Variants in ZNRF2 observed in about 807,000 individuals in gnomAD.
ZNRF2 encodes E3 ubiquitin-protein ligase ZNRF2.
Under a neutral mutation model 20.4 loss-of-function variants are expected in ZNRF2, and 16 were observed. The ratio of observed to expected loss-of-function variants is 0.79; its 90% confidence interval spans 0.53 to 1.19. The LOEUF (loss-of-function observed/expected upper bound fraction) is 1.19, where lower values mean the gene tolerates loss of function less well. ZNRF2 is among the 50% of genes most tolerant of loss of function. The probability of loss-of-function intolerance (pLI) is 0.00; values close to 1 mark genes in which losing one functional copy is unlikely to be tolerated. For missense variants in ZNRF2, 363 were observed against 332.4 expected (o/e 1.09, Z -0.72); for synonymous variants, 178 against 144.9 (o/e 1.23, Z -1.64).
intron 1 of ZNRF2, among the ~76,000 whole-genome samples, chr7:30,298,155 C>T (rs968125097): frequency 4.0e-5 from 6 of 150,766 alleles, no homozygotes; most frequent in African/African-American, 1.5e-4. Context: ...TTCATATATT[C>T]CATTTTTGTT....
At chr7:30,303,717 C>A (rs1799155255) in intron 1 of ZNRF2, among the ~76,000 whole-genome samples, 1 of 152,112 alleles carries the variant, frequency 6.6e-6, no homozygotes. Context: ...ATAGTTGGTC[C>A]CAGACCAGCA....
chr7:30,351,400 T>G (rs1456150369), intron 2 of ZNRF2, among the ~76,000 whole-genome samples: 1 of 152,026 alleles, frequency 6.6e-6, no homozygotes. Context: ...TTCATCACCG[T>G]CCATAGTTCT....
intron 2 of ZNRF2, among the ~76,000 whole-genome samples, chr7:30,341,284 A>C (rs1799792394): frequency 6.6e-6 from 1 of 150,688 alleles, no homozygotes; most frequent in Admixed American, 6.6e-5. Flanking sequence ...CTAGCTTTTG[A>C]ATTTGTTTGC....
At chr7:30,299,753 A>G (rs1477683101) in intron 1 of ZNRF2, among the ~76,000 whole-genome samples, 5 of 149,394 alleles carry the variant, frequency 3.3e-5, no homozygotes, top group Non-Finnish European at 3.0e-5. Context: ...GAATGTGGTC[A>G]TACTGTGTTC....
intron 1 of ZNRF2, among the ~76,000 whole-genome samples, chr7:30,315,615 C>G (rs1799357005): frequency 6.6e-6 from 1 of 151,164 alleles, no homozygotes; most frequent in Non-Finnish European, 1.5e-5. Flanking sequence ...AGAAGTGTAA[C>G]TCTTTTTGGA....
intron 1 of ZNRF2, among the ~76,000 whole-genome samples, chr7:30,318,977 T>C (rs1485364255): frequency 1.3e-5 from 2 of 151,962 alleles, no homozygotes; most frequent in Non-Finnish European, 2.9e-5. Flanking sequence ...CTGGGTGTGG[T>C]GGTGCGTGCC....
At chr7:30,325,541 G>A (rs1799538544) in intron 2 of ZNRF2, among the ~76,000 whole-genome samples, 1 of 152,118 alleles carries the variant, frequency 6.6e-6, no homozygotes, top group Non-Finnish European at 1.5e-5. Context: ...TTCTCCTCAG[G>A]TAACAAAAAT....
chr7:30,357,531 T>C (rs1320040047), intron 3 of ZNRF2, among the ~76,000 whole-genome samples: 1 of 152,064 alleles, frequency 6.6e-6, no homozygotes, highest in African/African-American at 2.4e-5. Flanking sequence ...AGTTTCTTAC[T>C]TAAGAAATCA....
chr7:30,309,792 T>C (rs1038685013), intron 1 of ZNRF2, among the ~76,000 whole-genome samples: 8 of 152,206 alleles, frequency 5.3e-5, no homozygotes, highest in African/African-American at 1.9e-4. Context: ...ATCAGGAAAG[T>C]ATAGATATGT....
At chr7:30,330,912 A>G (rs1799627645) in intron 2 of ZNRF2, among the ~76,000 whole-genome samples, 1 of 152,108 alleles carries the variant, frequency 6.6e-6, no homozygotes, top group African/African-American at 2.4e-5. Flanking sequence ...ATTTATGTAC[A>G]TTGGTGGTTT....
At chr7:30,326,380 G>T (rs1205714139) in intron 2 of ZNRF2, among the ~76,000 whole-genome samples, 1 of 152,116 alleles carries the variant, frequency 6.6e-6, no homozygotes. Context: ...AAGTGAGAAC[G>T]TGCGGAATTT....
intron 2 of ZNRF2, among the ~76,000 whole-genome samples, chr7:30,339,889 C>T (rs1799769865): frequency 6.6e-6 from 1 of 152,138 alleles, no homozygotes; most frequent in African/African-American, 2.4e-5. Flanking sequence ...ATTCTTCCTA[C>T]CATTGAGCAT....
rs536218289 is a variant in ZNRF2 at position 30,297,750 on chromosome 7, A to G, written c.469+11924A>G. On this transcript the variant is annotated intron_variant, in intron 1 of 4. Transcript: ENST00000323037. ...CTTTCTGTGATTTTTTTTTTTTGCC[A>G]TTTTTTTCTTTGATGACTTAGATGT... Among the ~76,000 whole-genome samples the G allele has an allele frequency of 2.8e-5, 4 of 145,096 alleles. No homozygotes were observed. The South Asian group carries it at 6.5e-4, about 23-fold the overall frequency.
intron 2 of ZNRF2, among the ~76,000 whole-genome samples, chr7:30,335,892 AG>A (rs145054230): frequency 3.9e-5 from 6 of 152,004 alleles, no homozygotes; most frequent in Non-Finnish European, 8.8e-5. Context: ...ATGTGTTGGA[AG>A]GGGGGAAAGA....
Position 30,320,232 on chromosome 7 carries a change from C to T in ZNRF2, c.470-3410C>T, listed in dbSNP as rs150002288. On this transcript the variant is annotated intron_variant, in intron 1 of 4. Transcript: ENST00000323037. ...TATGTAGATCTCTATACAGATCTTT[C>T]TATATATACATAGAGAAATTTCTCT... 1.0e-2 allele frequency among the ~76,000 whole-genome samples: 1,497 copies of T among 150,288 alleles called. 109 individuals are homozygous for T. Among genetic ancestry groups the T allele is most frequent in the Admixed American group, 0.093 (1,406 of 15,120 alleles).
chr7:30,365,220 A>T (rs1800194326), intron 4 of ZNRF2, among the ~76,000 whole-genome samples: 1 of 143,882 alleles, frequency 7.0e-6, no homozygotes, highest in South Asian at 2.2e-4. Context: ...TCATCAGCTA[A>T]ATTTTTCCTT....
intron 1 of ZNRF2, among the ~76,000 whole-genome samples, chr7:30,303,170 C>G (rs1186860418): frequency 6.6e-6 from 1 of 151,412 alleles, no homozygotes; most frequent in Non-Finnish European, 1.5e-5. Flanking sequence ...GTAGTCCCAG[C>G]TAATCAGGAG....
intron 1 of ZNRF2, among the ~76,000 whole-genome samples, chr7:30,298,472 A>G (rs955507829): frequency 2.6e-5 from 4 of 152,140 alleles, no homozygotes; most frequent in African/African-American, 7.2e-5. Flanking sequence ...TCTTAGGGAT[A>G]TTACTGTCTT....
intron 2 of ZNRF2, among the ~76,000 whole-genome samples, chr7:30,345,535 C>T (rs1472776234): frequency 6.7e-6 from 1 of 148,504 alleles, no homozygotes; most frequent in Non-Finnish European, 1.5e-5. Context: ...TGGTCCTTCT[C>T]TTTTTTTTTT....
Sources: allele counts gnomAD v4.1 joint callset (sites outside exome capture counted in the v4.1 genomes callset), GRCh38; gene constraint gnomAD v4.1.1; transcripts MANE v1.5; gene names NCBI Gene and HGNC (gene_info 2026-07-23, HGNC 2026-07-21).